The following SH3TC1 variants were observed in gnomAD, a reference collection of about 807,000 sequenced individuals.
SH3TC1 encodes the protein SH3 domain and tetratricopeptide repeat-containing protein 1.
Under a neutral mutation model 117.3 loss-of-function variants are expected in SH3TC1, and 135 were observed. The observed-to-expected ratio is 1.15, with a 90% CI of 1.00 to 1.33. The LOEUF is 1.33. SH3TC1 is among the 40% of genes most tolerant of loss of function. SH3TC1 has a pLI of 0.00. For missense variants in SH3TC1, 2,092 were observed against 1,794.3 expected (o/e 1.17, Z -3.00); for synonymous variants, 898 against 816.9 (o/e 1.10, Z -1.69).
chr4:8,223,468 G>C (rs1041827312), intron 10 of SH3TC1, among the ~76,000 whole-genome samples: 3 of 152,212 alleles, frequency 2.0e-5, no homozygotes, highest in Non-Finnish European at 4.4e-5. Context: ...GACAGAGATA[G>C]TCCCTCTGAC....
At chr4:8,214,776 C>T (rs530854890) in intron 5 of SH3TC1, among the ~76,000 whole-genome samples, 196 bp downstream of exon 5, 71 of 151,908 alleles carry the variant, frequency 4.7e-4, no homozygotes, top group African/African-American at 1.5e-3. Flanking sequence ...CCCTGCTCCC[C>T]GGGTTCAAGC....
At chr4:8,235,370 A>T in intron 14 of SH3TC1, 63 bp from the exon 15 acceptor site, 2 of 1,408,900 alleles carry the variant, frequency 1.4e-6, no homozygotes, top group Non-Finnish European at 1.9e-6. Context: ...GGGGAGTCCG[A>T]CCTGGGTGGG....
intron 4 of SH3TC1, among the ~76,000 whole-genome samples, chr4:8,214,043 A>G (rs1032259727): frequency 1.4e-4 from 21 of 152,148 alleles, no homozygotes; most frequent in Admixed American, 6.5e-4. Context: ...ATTAATAGAA[A>G]TCAGAGGAGA....
chr4:8,231,756 C>T, intron 12 of SH3TC1: 1 of 582,092 alleles, frequency 1.7e-6, no homozygotes, highest in Non-Finnish European at 3.0e-6. Flanking sequence ...CCAAGCTCGG[C>T]TAGGGCCTCA....
rs953919037 is a variant in SH3TC1, at chr4:8,192,423, C to T, written c.-57+10213C>T. 2.6e-5 allele frequency among the ~76,000 whole-genome samples: 4 copies of T among 151,212 alleles called. No homozygotes were observed. Among genetic ancestry groups the T allele is most frequent in the Non-Finnish European group, 4.4e-5 (3 of 67,764 alleles). On this transcript the variant is annotated intron_variant, in intron 1 of 16. Transcript: ENST00000508641. This position sits in a 1 kb window ranked among gnomAD's most constrained non-coding sequence, Gnocchi z 4.1. ...TTGTAAGCCTGAAGGTTGTAAATTA[C>T]AATCTTCTTATCCAACCACTTGTCT... is the stretch of plus-strand genomic sequence containing the variant.
chr4:8,185,097 A>C (rs1717183479), intron 1 of SH3TC1, among the ~76,000 whole-genome samples: 1 of 149,596 alleles, frequency 6.7e-6, no homozygotes, highest in South Asian at 2.1e-4. Context: ...GCACTTTGGG[A>C]GGCTGAGGCG....
chr4:8,232,454 C>T, intron 13 of SH3TC1: 6 of 1,494,526 alleles, frequency 4.0e-6, no homozygotes, highest in Non-Finnish European at 5.4e-6. Flanking sequence ...CTGGGCTGTT[C>T]TTCCTACCTG....
chr4:8,204,268 G>A (rs1271061312), intron 1 of SH3TC1, among the ~76,000 whole-genome samples: 1 of 152,230 alleles, frequency 6.6e-6, no homozygotes, highest in Non-Finnish European at 1.5e-5. Context: ...TGCTGGGCGG[G>A]GAGATGGGAG....
intron 1 of SH3TC1, among the ~76,000 whole-genome samples, chr4:8,182,753 C>T (rs981861830): frequency 1.3e-5 from 2 of 152,188 alleles, no homozygotes; most frequent in African/African-American, 4.8e-5. Flanking sequence ...CGCAGGAGCC[C>T]TGGGCGGGCC....
At chr4:8,236,176 A>T in intron 15 of SH3TC1, 102 bp from the exon 16 acceptor site, 1 of 1,359,660 alleles carries the variant, frequency 7.4e-7, no homozygotes, top group Non-Finnish European at 9.7e-7. Flanking sequence ...GCCCAGGGGT[A>T]GCTGGGGCGT....
At position 8,227,753 on chromosome 4, in the gene SH3TC1, T is replaced by C. The variant is rs765575125; in HGVS notation, c.2059T>C (p.Phe687Leu). 1.9e-6 allele frequency: 3 copies of C among 1,610,794 alleles called. No individual in the cohort carries two copies. The highest frequency in any genetic ancestry group is 2.2e-5 in the South Asian group (2 of 90,940). Residue 687 changes from phenylalanine (F) to leucine (L), a missense_variant, in exon 12 of 18, where the codon TTC becomes CTC. Physicochemically the swap from Phe to Leu is conservative, Grantham distance 22 (BLOSUM62 0). Coordinates refer to ENST00000245105, the MANE Select transcript of SH3TC1 (RefSeq NM_018986.5). ...HLKQPEEALP[F>L]LERLLLLHRD... ...CAAGCAGCCCGAGGAGGCCCTGCCC[T>C]TCCTAGAGCGGCTGCTGCTTTTGCA...
intron 16 of SH3TC1, chr4:8,237,222 A>C: frequency 2.4e-6 from 1 of 412,844 alleles, no homozygotes; most frequent in Non-Finnish European, 4.3e-6. Context: ...CAGTGAGCAA[A>C]GGCAGGTGGC....
chr4:8,216,149 C>A lies in SH3TC1; in HGVS notation c.520C>A (p.Gln174Lys), dbSNP rs766895282. Reference sequence around the variant, plus strand: ...CTGCCTGGCAAACCTGCTCATGGACCAGGCCTTCTGGCTGCTCTTGCCCAG... The same window carrying A: ...CTGCCTGGCAAACCTGCTCATGGACAAGGCCTTCTGGCTGCTCTTGCCCAG... ...HHCLANLLMD[Q>K]AFWLLLPSEE... The change falls in exon 6 of 18, where the codon CAG (glutamine) becomes AAG (lysine). Residue 174 changes from glutamine (Q) to lysine (K), a missense_variant. Transcript: ENST00000245105. 3.1e-6 allele frequency: 5 copies of A among 1,613,630 alleles called. No individual in the cohort carries two copies. In the East Asian group the frequency reaches 8.9e-5, roughly 29 times the overall value.
intron 9 of SH3TC1, among the ~76,000 whole-genome samples, chr4:8,221,447 T>A (rs895841170): frequency 1.3e-5 from 2 of 151,026 alleles, no homozygotes; most frequent in African/African-American, 4.9e-5. Context: ...TAGCTCTTCT[T>A]TTTTTTTTTC....
Position 8,237,454 on chromosome 4 carries a change from C to T in SH3TC1, c.3557-20C>T, listed in dbSNP as rs370242209. ...CGGGGAGCCACGTCCTCACACCTGC[C>T]CCCTTGGCCTGCACCCCAGGGGACC... On this transcript the variant is annotated intron_variant, in intron 16 of 17. Transcript: ENST00000245105. 139 of 1,507,770 alleles carry T rather than the reference C, an allele frequency of 9.2e-5. No homozygotes were observed. The highest frequency in any genetic ancestry group is 1.2e-4 in the Non-Finnish European group (133 of 1,127,984). 93.4% of individuals were successfully genotyped at this position (1,507,770 alleles called of 1,614,324 possible). A position where few individuals can be genotyped will look rare whatever the true frequency, so the allele number is the denominator to read the frequency against.
chr4:8,196,312 C>T (rs1717555570), upstream of SH3TC1, among the ~76,000 whole-genome samples: 1 of 152,124 alleles, frequency 6.6e-6, no homozygotes, highest in Non-Finnish European at 1.5e-5. This position sits in a 1 kb window ranked among gnomAD's most constrained non-coding sequence, Gnocchi z 4.6. Context: ...ACGAATGTGA[C>T]CCTCGGTGGA....
chr4:8,187,568 TTG>T, intron 1 of SH3TC1, among the ~76,000 whole-genome samples: 1 of 151,604 alleles, frequency 6.6e-6, no homozygotes, highest in Non-Finnish European at 1.5e-5. Flanking sequence ...TTTTTTTTTT[TTG>T]GAGATGGAGT....
chr4:8,237,366 C>G, intron 16 of SH3TC1, 108 bp from the exon 17 acceptor site: 1 of 946,504 alleles, frequency 1.1e-6, no homozygotes, highest in Non-Finnish European at 1.5e-6. Flanking sequence ...CTGGCCAGAA[C>G]TGCCCAGGTG....
Position 8,205,450 on chromosome 4 carries a change from C to A in SH3TC1, c.172+84C>A. On this transcript the variant is annotated intron_variant, in intron 2 of 17. Transcript: ENST00000245105. The surrounding 1 kb of genome is among the most constrained non-coding windows in gnomAD (Gnocchi z 5.4). ...CGCCCCGTCCATCCATCCCTCACCA[C>A]CCTGCCTGCCTCCAGGCCTCTTGGG... 6.5e-7 allele frequency: 1 copy of A among 1,533,970 alleles called. No homozygotes were observed. Among genetic ancestry groups the A allele is most frequent in the Non-Finnish European group, 8.9e-7 (1 of 1,120,894 alleles).
Sources: allele counts gnomAD v4.1 joint callset (sites outside exome capture counted in the v4.1 genomes callset), GRCh38; gene constraint gnomAD v4.1.1; non-coding constraint Gnocchi (gnomAD v3.1); transcripts MANE v1.5; gene names NCBI Gene and HGNC (gene_info 2026-07-23, HGNC 2026-07-21).